The following NFIX variants were observed in gnomAD, a reference collection of about 807,000 sequenced individuals.
NFIX encodes nuclear factor I X.
A neutral mutation model predicts 53.3 loss-of-function variants in NFIX; 2 were observed. That is an observed-to-expected ratio of 0.04 (90% CI 0.02 to 0.12). NFIX has a LOEUF of 0.12. NFIX is among the 10% of genes least tolerant of loss of function. The pLI is 1.00. For synonymous variants in NFIX, 244 were observed against 289.0 expected (o/e 0.84, Z 1.58); for missense variants, 310 against 674.5 (o/e 0.46, Z 5.99).
chr19:13,063,420 A>G (rs1173148566), intron 2 of NFIX, among the ~76,000 whole-genome samples: 1 of 151,652 alleles, frequency 6.6e-6, no homozygotes, highest in Non-Finnish European at 1.5e-5. Context: ...AGCTGCATGC[A>G]GCCCAGCAGT....
At position 13,021,893 on chromosome 19, in the gene NFIX, C is replaced by T. The variant is rs1336524509; in HGVS notation, c.28-3128C>T. Among the ~76,000 whole-genome samples, 3 of 152,178 alleles carry T rather than the reference C, an allele frequency of 2.0e-5. No individual in the cohort carries two copies. Among genetic ancestry groups the T allele is most frequent in the Admixed American group, 2.0e-4 (3 of 15,288 alleles). On this transcript the variant is annotated intron_variant, in intron 1 of 10. Transcript: ENST00000592199. This position sits in a 1 kb window ranked among gnomAD's most constrained non-coding sequence, Gnocchi z 4.2. The stretch of plus-strand genomic sequence containing the variant: ...CCCAGGTGGCCTGTTTTTGATAGAG[C>T]CCTTTGCTGTTTTTTGTTGTGTCCT...
intron 2 of NFIX, among the ~76,000 whole-genome samples, chr19:13,059,774 ATTCTTTTTTT>A (rs1568302624): frequency 1.4e-4 from 17 of 123,554 alleles, no homozygotes; most frequent in African/African-American, 4.8e-4. Context: ...TTTAATTAGA[ATTCTTTTTTT>A]TTTTTTTTTT....
chr19:13,071,597 T>C (rs555308850), intron 2 of NFIX, among the ~76,000 whole-genome samples: 3 of 152,368 alleles, frequency 2.0e-5, no homozygotes, highest in South Asian at 2.1e-4. Context: ...GTTAGCACTT[T>C]CCGTATTAAA....
Position 13,090,186 on chromosome 19 carries a change from C to A in NFIX, c.1403-113C>A. 1 of 1,000,682 alleles carries A rather than the reference C, an allele frequency of 1.0e-6. No individual in the cohort carries two copies. Among genetic ancestry groups the A allele is most frequent in the Non-Finnish European group, 1.6e-6 (1 of 634,928 alleles). The allele number at this position is 1,000,682 out of a possible 1,614,324, so 62.0% of individuals were successfully genotyped here. ...ATCCTTCCCACTGCCAGCCTAAACT[C>A]GGGCAGCATGGTCTAACTCAGTCTC... On this transcript the variant is annotated intron_variant, in intron 9 of 10. Transcript: ENST00000592199. This position sits in a 1 kb window ranked among gnomAD's most constrained non-coding sequence, Gnocchi z 6.6.
At chr19:13,017,383 C>T (rs931309141) in intron 1 of NFIX, among the ~76,000 whole-genome samples, 1 of 152,218 alleles carries the variant, frequency 6.6e-6, no homozygotes, top group Admixed American at 6.5e-5. Context: ...CTTTCTAACT[C>T]CTAAAATTGT....
At position 13,001,624 on chromosome 19, in the gene NFIX, G is replaced by A. The variant is rs2011702588; in HGVS notation, c.27+5760G>A. Among the ~76,000 whole-genome samples, 1 of 152,178 alleles carries A rather than the reference G, an allele frequency of 6.6e-6. No individual in the cohort carries two copies. The highest frequency in any genetic ancestry group is 2.4e-5 in the African/African-American group (1 of 41,436). On this transcript the variant is annotated intron_variant, in intron 1 of 10. Transcript: ENST00000592199. This position sits in a 1 kb window ranked among gnomAD's most constrained non-coding sequence, Gnocchi z 6.5. ...GTGTATCCGTGTGTCTCACACACGT[G>A]TTGGCCTGTCCGTGTCAACTTGTGT...
chr19:13,084,941 G>A (rs1168987512), intron 8 of NFIX, among the ~76,000 whole-genome samples: 30 of 151,790 alleles, frequency 2.0e-4, no homozygotes, highest in Non-Finnish European at 4.4e-5. Context: ...ATGATGGTGG[G>A]TGCCTGTAAT....
At chr19:13,032,651 T>G (rs866075713) in intron 2 of NFIX, among the ~76,000 whole-genome samples, 104 of 150,690 alleles carry the variant, frequency 6.9e-4, no homozygotes, top group Admixed American at 9.9e-4. Context: ...GGAGAGGGAG[T>G]GAGAGGTTTA....
At position 13,094,534 on chromosome 19, in the gene NFIX, G is replaced by C. The variant is rs1323049682; in HGVS notation, c.1495-101G>C. The C allele has an allele frequency of 2.2e-5, 28 of 1,256,900 alleles. No homozygotes were observed. Among genetic ancestry groups the C allele is most frequent in the Non-Finnish European group, 3.3e-6 (3 of 906,994 alleles). 77.9% of individuals were successfully genotyped at this position (1,256,900 alleles called of 1,614,324 possible). ...GGCTGCCCGGCACCCTGGCTCTTTG[G>C]GAGCTGGACCCTTGAGGGGCCAGGT... On this transcript the variant is annotated intron_variant, in intron 10 of 10. Coordinates refer to ENST00000592199, the MANE Select transcript of NFIX (RefSeq NM_001365902.3). The surrounding 1 kb of genome is among the most constrained non-coding windows in gnomAD (Gnocchi z 4.3).
In NFIX at chr19:13,093,011, G is replaced by A. The variant is rs764551369; in HGVS notation, c.1495-1624G>A. 2.0e-5 allele frequency among the ~76,000 whole-genome samples: 3 copies of A among 152,352 alleles called. No individual in the cohort carries two copies. The highest frequency in any genetic ancestry group is 6.5e-5 in the Admixed American group (1 of 15,304). ...TTAGCATTTCTGCCCACCCAGCAGC[G>A]CCTGCTCATTGTGGCAATCCCAAAC... On this transcript the variant is annotated intron_variant, in intron 10 of 10. Coordinates refer to ENST00000592199, the MANE Select transcript of NFIX (RefSeq NM_001365902.3). This position sits in a 1 kb window ranked among gnomAD's most constrained non-coding sequence, Gnocchi z 4.7.
chr19:13,094,925 A>AC lies in NFIX; in HGVS notation c.*276_*277insC, dbSNP rs2018348712. 2.1e-6 allele frequency: 1 copy of AC among 465,946 alleles called. No individual in the cohort carries two copies. Among genetic ancestry groups the AC allele is most frequent in the Non-Finnish European group, 3.9e-6 (1 of 257,074 alleles). 28.9% of individuals were successfully genotyped at this position (465,946 alleles called of 1,614,324 possible). A position where few individuals can be genotyped will look rare whatever the true frequency, so the allele number is the denominator to read the frequency against. On this transcript the variant is annotated 3_prime_UTR_variant, in exon 11 of 11. Transcript: ENST00000592199. The surrounding 1 kb of genome is among the most constrained non-coding windows in gnomAD (Gnocchi z 4.3). ...GAAACACGCGACATGGACTCTGTCAAGTAGAGGACAGAAAGCAAGAAAGGA... is the reference window on the plus strand; with the variant it reads ...GAAACACGCGACATGGACTCTGTCAACGTAGAGGACAGAAAGCAAGAAAGGA...
At position 13,060,627 on chromosome 19, in the gene NFIX, G is replaced by T. The variant is rs369962825; in HGVS notation, c.560-12420G>T. 4.6e-5 allele frequency among the ~76,000 whole-genome samples: 7 copies of T among 152,192 alleles called. No homozygotes were observed. Among genetic ancestry groups the T allele is most frequent in the Non-Finnish European group, 2.9e-5 (2 of 68,024 alleles). ...GTGACCCTTGGTGCCTGGCAAGGCG[G>T]GGGGGTAGGGAGCAGCCCTCGCACA... On this transcript the variant is annotated intron_variant, in intron 2 of 10. Transcript: ENST00000592199. The surrounding 1 kb of genome is among the most constrained non-coding windows in gnomAD (Gnocchi z 4.3).
At position 13,081,610 on chromosome 19, in the gene NFIX, C is replaced by T; in HGVS notation, c.1079-70C>T. On this transcript the variant is annotated intron_variant, in intron 7 of 10. Transcript: ENST00000592199. The surrounding 1 kb of genome is among the most constrained non-coding windows in gnomAD (Gnocchi z 4.7). The stretch of plus-strand genomic sequence containing the variant: ...GACCCTCTGACCGGCAGCTCCCCTC[C>T]TCTCCTGTCCCTCCCACTGGCTGCC... 1 of 1,517,924 alleles carries T rather than the reference C, an allele frequency of 6.6e-7. No homozygotes were observed. The highest frequency in any genetic ancestry group is 8.9e-7 in the Non-Finnish European group (1 of 1,120,574). 94.0% of individuals were successfully genotyped at this position (1,517,924 alleles called of 1,614,324 possible).
In NFIX at chr19:13,043,804, G is replaced by C. The variant is rs544876319; in HGVS notation, c.559+18252G>C. Among the ~76,000 whole-genome samples, 1 of 152,118 alleles carries C rather than the reference G, an allele frequency of 6.6e-6. No homozygotes were observed. The highest frequency in any genetic ancestry group is 1.5e-5 in the Non-Finnish European group (1 of 68,024). On this transcript the variant is annotated intron_variant, in intron 2 of 10. Coordinates refer to ENST00000592199, the MANE Select transcript of NFIX (RefSeq NM_001365902.3). The surrounding 1 kb of genome is among the most constrained non-coding windows in gnomAD (Gnocchi z 4.0). ...CCATGGCACTCTTATCTGTGTGCCTGAATATGCATGCTTATTCATCTCGAA... is the reference window on the plus strand; with the variant it reads ...CCATGGCACTCTTATCTGTGTGCCTCAATATGCATGCTTATTCATCTCGAA...
rs549384748 is a variant in NFIX at position 13,036,671 on chromosome 19, C to T, written c.559+11119C>T. 1.5e-4 allele frequency among the ~76,000 whole-genome samples: 23 copies of T among 152,172 alleles called. No individual in the cohort carries two copies. Among genetic ancestry groups the T allele is most frequent in the Admixed American group, 2.6e-4 (4 of 15,294 alleles). On this transcript the variant is annotated intron_variant, in intron 2 of 10. Transcript: ENST00000592199. This position sits in a 1 kb window ranked among gnomAD's most constrained non-coding sequence, Gnocchi z 4.7. ...TAGCGCATAATTATTATATAATGGG[C>T]GTTATTGCATAATGGCAGTTATATA... is the stretch of plus-strand genomic sequence containing the variant.
rs2012400572 is a variant in NFIX, at chr19:13,012,359, A to G, written c.28-12662A>G. 1.3e-5 allele frequency: 2 copies of G among 151,990 alleles called. No homozygotes were observed. The highest frequency in any genetic ancestry group is 4.8e-5 in the African/African-American group (2 of 41,314). 9.4% of individuals were successfully genotyped at this position (151,990 alleles called of 1,614,324 possible). A position where few individuals can be genotyped will look rare whatever the true frequency, so the allele number is the denominator to read the frequency against. ...CCCTCCCAGGCACCGTAGGCCCTCT[A>G]GTGGGTCTGGGTGGCGTCCTCCCGG... On this transcript the variant is annotated intron_variant, in intron 1 of 10. Transcript: ENST00000592199. This position sits in a 1 kb window ranked among gnomAD's most constrained non-coding sequence, Gnocchi z 5.0.
At chr19:13,018,561 A>C (rs956159462) in intron 1 of NFIX, among the ~76,000 whole-genome samples, 20 of 152,124 alleles carry the variant, frequency 1.3e-4, no homozygotes, top group African/African-American at 4.8e-4. Flanking sequence ...CGCAAAGTGC[A>C]TTTTCCGGTT....
At chr19:13,007,871 G>T (rs1439347800) in intron 1 of NFIX, among the ~76,000 whole-genome samples, 1 of 152,148 alleles carries the variant, frequency 6.6e-6, no homozygotes, top group East Asian at 1.9e-4. Flanking sequence ...ACTTTCGGTG[G>T]GGGGGTGCTC....
In NFIX at chr19:13,073,368, C is replaced by T. The variant is rs2016882439; in HGVS notation, c.623-54C>T. On this transcript the variant is annotated intron_variant, in intron 3 of 10. Coordinates refer to ENST00000592199, the MANE Select transcript of NFIX (RefSeq NM_001365902.3). This position sits in a 1 kb window ranked among gnomAD's most constrained non-coding sequence, Gnocchi z 4.5. ...AGTGTGGAAGACCTTTGGAAATAGC[C>T]AGGCAGCCCCCTTCTGGCCTTGTCT... The T allele has an allele frequency of 6.8e-7, 1 of 1,460,548 alleles. No homozygotes were observed. Among genetic ancestry groups the T allele is most frequent in the Middle Eastern group, 1.7e-4 (1 of 5,796 alleles). 90.5% of individuals were successfully genotyped at this position (1,460,548 alleles called of 1,614,324 possible). A position where few individuals can be genotyped will look rare whatever the true frequency, so the allele number is the denominator to read the frequency against.
Sources: gnomAD v4.1 joint callset for allele counts (sites outside exome capture counted in the v4.1 genomes callset) on GRCh38, gnomAD v4.1.1 for gene constraint, Gnocchi (gnomAD v3.1) non-coding constraint, MANE v1.5 for transcripts, NCBI Gene and HGNC (gene_info 2026-07-23, HGNC 2026-07-21) for gene names.